Variants in NEMP2 observed in about 807,000 individuals in gnomAD.
NEMP2 encodes UPF0571 transmembrane protein.
Under a neutral mutation model 54.2 loss-of-function variants are expected in NEMP2, and 53 were observed. That is an observed-to-expected ratio of 0.98 (90% CI 0.78 to 1.23). The LOEUF is 1.23. Among genes scored for constraint, NEMP2 ranks in the 50% most tolerant of loss-of-function variants. The pLI is 0.00. For missense variants in NEMP2, 455 were observed against 511.3 expected, an observed-to-expected ratio of 0.89 and a Z score of 1.06; for synonymous variants, 197 against 190.3, an observed-to-expected ratio of 1.04 and a Z score of -0.29.
At chr2:190,475,812 T>G in the NEMP2 span, among the ~76,000 whole-genome samples, 79 of 151,942 alleles carry the variant, frequency 5.2e-4, no homozygotes, top group Middle Eastern at 3.2e-3. Flanking sequence ...CTTCAAACTA[T>G]ACTACAAGCC....
chr2:190,582,035 T>C, the NEMP2 span, among the ~76,000 whole-genome samples: 1 of 152,150 alleles, frequency 6.6e-6, no homozygotes, highest in Non-Finnish European at 1.5e-5. The surrounding 1 kb of genome is among the most constrained non-coding windows in gnomAD (Gnocchi z 4.6). Flanking sequence ...ATGTAAGAGG[T>C]CATAGGTTGC....
chr2:190,581,120 A>C, the NEMP2 span, among the ~76,000 whole-genome samples: 1 of 152,172 alleles, frequency 6.6e-6, no homozygotes, highest in Non-Finnish European at 1.5e-5. Flanking sequence ...ATAACTAAAA[A>C]CCAGGAATTA....
chr2:190,451,053 C>T, the NEMP2 span, among the ~76,000 whole-genome samples: 1 of 152,144 alleles, frequency 6.6e-6, no homozygotes, highest in Non-Finnish European at 1.5e-5. This position sits in a 1 kb window ranked among gnomAD's most constrained non-coding sequence, Gnocchi z 5.0. Flanking sequence ...GGCTTGACTC[C>T]AGTCATCATC....
At chr2:190,430,818 G>C in the NEMP2 span, among the ~76,000 whole-genome samples, 46,610 of 122,178 alleles carry the variant, frequency 0.38, 8,237 homozygotes, top group Admixed American at 0.52. Flanking sequence ...CCTCCCTCCC[G>C]GACGGGGCGG....
chr2:190,510,506 G>A lies in NEMP2; in HGVS notation c.985C>T (p.Leu329=). 6.4e-7 allele frequency: 1 copy of A among 1,551,940 alleles called. No homozygotes were observed. The highest frequency in any genetic ancestry group is 1.4e-5 in the African/African-American group (1 of 73,136). Residue 329 remains leucine, a synonymous_variant, in exon 8 of 9, where the codon CTG becomes TTG. Coordinates refer to ENST00000409150, the MANE Select transcript of NEMP2 (RefSeq NM_001142645.2). The surrounding 1 kb of genome is among the most constrained non-coding windows in gnomAD (Gnocchi z 5.7). ...TCTTCCGTAAGATATTTCACCACCA[G>A]CTCTTTTGATGTAAACCACTGCTCC... ...KMEQWFTSKE[L]VVKYLTEDEY...
At chr2:190,551,326 C>T in the NEMP2 span, among the ~76,000 whole-genome samples, 912 of 151,736 alleles carry the variant, frequency 6.0e-3, 13 homozygotes, top group African/African-American at 0.021. Context: ...CAATATTTGT[C>T]AATTTCTCTC....
chr2:190,449,268 G>A, the NEMP2 span, among the ~76,000 whole-genome samples: 1 of 152,180 alleles, frequency 6.6e-6, no homozygotes, highest in Non-Finnish European at 1.5e-5. Flanking sequence ...GAGGTCAGGA[G>A]TTCAAGACCA....
chr2:190,596,836 A>C, the NEMP2 span, among the ~76,000 whole-genome samples: 1 of 152,348 alleles, frequency 6.6e-6, no homozygotes, highest in South Asian at 2.1e-4. The surrounding 1 kb of genome is among the most constrained non-coding windows in gnomAD (Gnocchi z 5.1). Flanking sequence ...AAATGCATAT[A>C]AATATACAAA....
chr2:190,572,833 GTATATATATATATATATATATATATATA>G, the NEMP2 span, among the ~76,000 whole-genome samples: 19 of 47,862 alleles, frequency 4.0e-4, no homozygotes, highest in Non-Finnish European at 6.0e-4. Flanking sequence ...CTTTTCATGA[GTATATATATATATATATATATATATATA>G]TATATATATA....
chr2:190,437,027 T>G, the NEMP2 span: 1 of 1,614,224 alleles, frequency 6.2e-7, no homozygotes, highest in South Asian at 1.1e-5. This position sits in a 1 kb window ranked among gnomAD's most constrained non-coding sequence, Gnocchi z 5.9. Flanking sequence ...TGGGGCTCCC[T>G]GGGCTGGGGC....
Position 190,514,771 on chromosome 2 carries a change from T to C in NEMP2, c.728-93A>G. On this transcript the variant is annotated intron_variant, in intron 6 of 8. Transcript: ENST00000409150. This position sits in a 1 kb window ranked among gnomAD's most constrained non-coding sequence, Gnocchi z 5.7. ...AGCCTTGACTTAAAGGTAAAAACTA[T>C]TAGAGAACCTTAATTTTTGTGTTTT... is the stretch of plus-strand genomic sequence containing the variant. The C allele has an allele frequency of 8.4e-7, 1 of 1,189,414 alleles. No homozygotes were observed. Among genetic ancestry groups the C allele is most frequent in the South Asian group, 1.5e-5 (1 of 67,062 alleles). 73.7% of individuals were successfully genotyped at this position (1,189,414 alleles called of 1,614,324 possible).
Position 190,529,902 on chromosome 2 carries a change from AC to A in NEMP2, c.98-4525del, listed in dbSNP as rs752491409. On this transcript the variant is annotated intron_variant, in intron 1 of 8. Coordinates refer to ENST00000409150, the MANE Select transcript of NEMP2 (RefSeq NM_001142645.2). This position sits in a 1 kb window ranked among gnomAD's most constrained non-coding sequence, Gnocchi z 4.7. ...AAGCATGAGGGCCAGTCTGGAAGCC[AC>A]AGGCTGCACTTCCCCCTTGCCCTAC... 3.3e-5 allele frequency among the ~76,000 whole-genome samples: 5 copies of A among 152,210 alleles called. No individual in the cohort carries two copies. The highest frequency in any genetic ancestry group is 6.5e-5 in the Admixed American group (1 of 15,284).
the NEMP2 span, among the ~76,000 whole-genome samples, chr2:190,450,488 C>CTTTTTTTT: frequency 2.9e-4 from 28 of 97,260 alleles, 1 homozygote; most frequent in South Asian, 7.9e-4. Context: ...TCTCTTTTTC[C>CTTTTTTTT]TTTTTTTTTT....
chr2:190,599,453 A>G, the NEMP2 span, among the ~76,000 whole-genome samples: 1 of 152,186 alleles, frequency 6.6e-6, no homozygotes, highest in African/African-American at 2.4e-5. Context: ...TGGACAAAAT[A>G]TATACTTTCT....
chr2:190,594,795 G>A, the NEMP2 span, among the ~76,000 whole-genome samples: 2 of 152,138 alleles, frequency 1.3e-5, no homozygotes, highest in Non-Finnish European at 2.9e-5. This position sits in a 1 kb window ranked among gnomAD's most constrained non-coding sequence, Gnocchi z 5.6. Flanking sequence ...GGGACAAGGA[G>A]TACCATCTGA....
chr2:190,428,924 C>T, the NEMP2 span, among the ~76,000 whole-genome samples: 38 of 152,254 alleles, frequency 2.5e-4, no homozygotes, highest in East Asian at 5.4e-3. Flanking sequence ...CCACCTCCCT[C>T]GGCCTCTCAA....
the NEMP2 span, among the ~76,000 whole-genome samples, chr2:190,577,627 G>A: frequency 6.6e-6 from 1 of 152,224 alleles, no homozygotes; most frequent in Non-Finnish European, 1.5e-5. This position sits in a 1 kb window ranked among gnomAD's most constrained non-coding sequence, Gnocchi z 4.8. Flanking sequence ...TGTAATCCCA[G>A]CACTTTGGGA....
At chr2:190,576,755 G>A in the NEMP2 span, among the ~76,000 whole-genome samples, 1 of 152,154 alleles carries the variant, frequency 6.6e-6, no homozygotes, top group African/African-American at 2.4e-5. Context: ...GATATGTGAA[G>A]CCTGGACACG....
the NEMP2 span, chr2:190,629,764 A>G: frequency 6.6e-6 from 1 of 152,266 alleles, no homozygotes; most frequent in Non-Finnish European, 1.5e-5. Context: ...ATTCTGACTG[A>G]AAAATTAAAG....
Sources: gnomAD v4.1 joint callset for allele counts (sites outside exome capture counted in the v4.1 genomes callset) on GRCh38, gnomAD v4.1.1 for gene constraint, Gnocchi (gnomAD v3.1) non-coding constraint, MANE v1.5 for transcripts, NCBI Gene and HGNC (gene_info 2026-07-23, HGNC 2026-07-21) for gene names.